Variants in SGCZ observed in about 807,000 individuals in gnomAD.
SGCZ encodes sarcoglycan zeta.
A neutral mutation model predicts 41.3 loss-of-function variants in SGCZ; 40 were observed. The ratio of observed to expected loss-of-function variants is 0.97; its 90% confidence interval spans 0.75 to 1.26. The LOEUF is 1.26. Ranked by LOEUF, SGCZ falls within the 50% of genes most tolerant of loss-of-function variation. The pLI is 0.00. For missense variants in SGCZ, 552 were observed against 369.8 expected, an observed-to-expected ratio of 1.49 and a Z score of -4.04; for synonymous variants, 206 against 137.5, an observed-to-expected ratio of 1.50 and a Z score of -3.49.
chr8:14,771,356 G>GA (rs1311105349), intron 1 of SGCZ, among the ~76,000 whole-genome samples: 1 of 152,108 alleles, frequency 6.6e-6, no homozygotes, highest in Middle Eastern at 3.2e-3. Flanking sequence ...TAGGATATTT[G>GA]AAAATTAAGC....
At chr8:14,201,010 G>A (rs1805437654) in intron 4 of SGCZ, among the ~76,000 whole-genome samples, 1 of 152,102 alleles carries the variant, frequency 6.6e-6, no homozygotes, top group African/African-American at 2.4e-5. Flanking sequence ...AAGAAGGTAT[G>A]CAGATGGAAA....
chr8:14,786,494 C>T (rs1800771175), intron 1 of SGCZ, among the ~76,000 whole-genome samples: 1 of 152,092 alleles, frequency 6.6e-6, no homozygotes, highest in African/African-American at 2.4e-5. Flanking sequence ...ATACAACGTA[C>T]ATGAGAATGG....
rs367649782 is a variant in SGCZ at position 15,075,537 on chromosome 8, AC to A, written c.39+162047del. Among the ~76,000 whole-genome samples the A allele has an allele frequency of 3.3e-3, 495 of 152,240 alleles. 1 individual carries two copies. The highest frequency in any genetic ancestry group is 0.011 in the African/African-American group (456 of 41,536). ...ACACCCTCAATTTTTAGCAAATGAA[AC>A]AGTTGAAGCCTAAGGACTTTGAGTA... On this transcript the variant is annotated intron_variant, in intron 1 of 7. Transcript: ENST00000382080.
At chr8:14,652,920 A>C (rs1384178114) in intron 1 of SGCZ, among the ~76,000 whole-genome samples, 1 of 152,112 alleles carries the variant, frequency 6.6e-6, no homozygotes, top group Non-Finnish European at 1.5e-5. Context: ...AAATTGGAAA[A>C]TATCTTAATT....
intron 4 of SGCZ, among the ~76,000 whole-genome samples, chr8:14,186,325 A>C (rs975864500): frequency 6.6e-6 from 1 of 152,268 alleles, no homozygotes; most frequent in African/African-American, 2.4e-5. Context: ...GTATCATTTT[A>C]GCCATGAATC....
intron 1 of SGCZ, among the ~76,000 whole-genome samples, chr8:14,744,984 T>A (rs1799301411): frequency 6.6e-6 from 1 of 152,178 alleles, no homozygotes; most frequent in Admixed American, 6.6e-5. Flanking sequence ...TTACTTGTCA[T>A]CATTATGACC....
rs1165352510 is a variant in SGCZ at position 14,089,582 on chromosome 8, A to G, written c.*861T>C. Reference sequence around the variant, plus strand: ...GTAAAGGATAGCATGTGAATTTTTTAAAAATCATCTATGGATTTAATACCA... The same window carrying G: ...GTAAAGGATAGCATGTGAATTTTTTGAAAATCATCTATGGATTTAATACCA... On this transcript the variant is annotated 3_prime_UTR_variant, in exon 8 of 8. Coordinates refer to ENST00000382080, the MANE Select transcript of SGCZ (RefSeq NM_139167.4). 6.6e-6 allele frequency among the ~76,000 whole-genome samples: 1 copy of G among 152,038 alleles called. No homozygotes were observed. The highest frequency in any genetic ancestry group is 1.5e-5 in the Non-Finnish European group (1 of 67,972).
At chr8:14,847,210 A>G (rs1257452430) in intron 1 of SGCZ, among the ~76,000 whole-genome samples, 1 of 151,966 alleles carries the variant, frequency 6.6e-6, no homozygotes, top group Non-Finnish European at 1.5e-5. Context: ...TTCTACAAAA[A>G]CTTTTCAAGA....
intron 2 of SGCZ, among the ~76,000 whole-genome samples, chr8:14,408,809 G>C (rs938203980): frequency 6.6e-6 from 1 of 151,864 alleles, no homozygotes; most frequent in East Asian, 1.9e-4. Context: ...GTATTCAGTT[G>C]GCTAATACTT....
intron 2 of SGCZ, among the ~76,000 whole-genome samples, chr8:14,539,364 A>G (rs555087796): frequency 6.6e-5 from 10 of 152,046 alleles, no homozygotes; most frequent in African/African-American, 2.2e-4. Context: ...AAAGAACTAT[A>G]GAAGAGACCA....
intron 1 of SGCZ, among the ~76,000 whole-genome samples, chr8:14,800,733 T>G (rs1801295561): frequency 6.6e-6 from 1 of 152,184 alleles, no homozygotes; most frequent in Non-Finnish European, 1.5e-5. Context: ...CCCAGCCATA[T>G]GGAGGAGTGA....
intron 1 of SGCZ, among the ~76,000 whole-genome samples, chr8:15,058,637 G>C (rs965597922): frequency 2.0e-5 from 3 of 152,042 alleles, no homozygotes; most frequent in Admixed American, 1.3e-4. Flanking sequence ...CTTTCCCCTG[G>C]AGCTCTTCTT....
intron 2 of SGCZ, among the ~76,000 whole-genome samples, chr8:14,407,969 C>T (rs1799256540): frequency 6.6e-6 from 1 of 152,090 alleles, no homozygotes; most frequent in Non-Finnish European, 1.5e-5. Context: ...AAGTATATAT[C>T]ATACGGAGAG....
chr8:14,502,057 T>A (rs1465787263), intron 2 of SGCZ, among the ~76,000 whole-genome samples: 1 of 152,092 alleles, frequency 6.6e-6, no homozygotes, highest in African/African-American at 2.4e-5. Flanking sequence ...TTCTAATAAG[T>A]GGTAACAAAT....
At chr8:14,112,111 A>C (rs1802389255) in intron 5 of SGCZ, among the ~76,000 whole-genome samples, 1 of 152,166 alleles carries the variant, frequency 6.6e-6, no homozygotes, top group Admixed American at 6.5e-5. Flanking sequence ...CCAGAGAGAA[A>C]GCAAACAACC....
At chr8:14,395,062 CAAATT>C (rs915353642) in intron 2 of SGCZ, among the ~76,000 whole-genome samples, 1 of 152,064 alleles carries the variant, frequency 6.6e-6, no homozygotes, top group African/African-American at 2.4e-5. Context: ...AAGATTAAAT[CAAATT>C]AAATAGGCAA....
chr8:14,672,224 T>C (rs1419771762), intron 1 of SGCZ, among the ~76,000 whole-genome samples: 1 of 152,126 alleles, frequency 6.6e-6, no homozygotes, highest in Non-Finnish European at 1.5e-5. Flanking sequence ...TGAAAGCTAT[T>C]TTATCTAGTT....
chr8:14,395,984 T>A (rs1258962192), intron 2 of SGCZ, among the ~76,000 whole-genome samples: 2 of 152,208 alleles, frequency 1.3e-5, no homozygotes, highest in East Asian at 1.9e-4. Flanking sequence ...ATCATTTACA[T>A]CTAATGTATC....
At chr8:14,336,294 C>T (rs560640485) in intron 2 of SGCZ, among the ~76,000 whole-genome samples, 7 of 152,074 alleles carry the variant, frequency 4.6e-5, no homozygotes, top group Non-Finnish European at 8.8e-5. Flanking sequence ...TGTATAGGTG[C>T]CACATTTTTT....
Sources: allele counts gnomAD v4.1 joint callset (sites outside exome capture counted in the v4.1 genomes callset), GRCh38; gene constraint gnomAD v4.1.1; transcripts MANE v1.5; gene names NCBI Gene and HGNC (gene_info 2026-07-23, HGNC 2026-07-21).